Variants in DGKG observed in about 807,000 individuals in gnomAD.
DGKG encodes DAG kinase gamma.
Under a neutral mutation model 105.3 loss-of-function variants are expected in DGKG, and 78 were observed. The ratio of observed to expected loss-of-function variants is 0.74; its 90% CI spans 0.62 to 0.89. The LOEUF is 0.89. Ranked by LOEUF, DGKG falls within the 40% of genes least tolerant of loss-of-function variation. The pLI is 0.00. For synonymous variants in DGKG, 346 were observed against 367.1 expected (o/e 0.94, Z 0.66); for missense variants, 958 against 1,020.1 (o/e 0.94, Z 0.83).
intron 11 of DGKG, 63 bp downstream of exon 11, chr3:186,272,192 A>T: frequency 7.6e-7 from 1 of 1,310,920 alleles, no homozygotes; most frequent in African/African-American, 1.5e-5. Flanking sequence ...CCAGGAATCC[A>T]TGTTGATGGA....
intron 13 of DGKG, among the ~76,000 whole-genome samples, chr3:186,267,399 AC>A (rs963737275): frequency 6.6e-6 from 1 of 152,168 alleles, no homozygotes; most frequent in African/African-American, 2.4e-5. Flanking sequence ...GAAAGCACAA[AC>A]CCAACAGAGA....
Position 186,188,343 on chromosome 3 carries a change from G to T in DGKG, c.1954C>A (p.Leu652Met), listed in dbSNP as rs747611243. Reference protein sequence around the residue: ...GVGVDLSNIFLEGIAILNIPS... With the variant: ...GVGVDLSNIFMEGIAILNIPS... ...ATGTTGAGAATGGCAATGCCTTCCA[G>T]GAAGATGTTGCTCAGGTCCACCCCA... is the stretch of plus-strand genomic sequence containing the variant. The change falls in exon 22 of 25, where the codon CTG becomes ATG. Residue 652 changes from leucine (L) to methionine (M), a missense_variant. Transcript: ENST00000265022. 2 of 1,614,152 alleles carry T rather than the reference G, an allele frequency of 1.2e-6. No individual in the cohort carries two copies. Among genetic ancestry groups the T allele is most frequent in the Non-Finnish European group, 1.7e-6 (2 of 1,180,034 alleles).
At chr3:186,307,465 G>A (rs1229349108) in intron 2 of DGKG, among the ~76,000 whole-genome samples, 1 of 152,158 alleles carries the variant, frequency 6.6e-6, no homozygotes, top group Non-Finnish European at 1.5e-5. Flanking sequence ...CAGCTCAAAT[G>A]TCAACTCCTT....
chr3:186,275,400 C>T (rs370102067), intron 10 of DGKG, 147 bp downstream of exon 10: 10 of 685,236 alleles, frequency 1.5e-5, no homozygotes, highest in African/African-American at 1.1e-4. Flanking sequence ...ACATGAAGGC[C>T]TCGCTTTATT....
chr3:186,331,617 G>T (rs1466565431), intron 1 of DGKG, among the ~76,000 whole-genome samples: 1 of 152,114 alleles, frequency 6.6e-6, no homozygotes, highest in African/African-American at 2.4e-5. Flanking sequence ...TGCCCAGGTG[G>T]GGGAGCTGGG....
intron 5 of DGKG, among the ~76,000 whole-genome samples, chr3:186,289,369 G>T (rs555502288): frequency 1.3e-5 from 2 of 152,152 alleles, no homozygotes; most frequent in Non-Finnish European, 2.9e-5. Context: ...GATAATTAAC[G>T]AATCTCCAGA....
chr3:186,186,701 C>T (rs886672594), intron 22 of DGKG, among the ~76,000 whole-genome samples: 9 of 152,306 alleles, frequency 5.9e-5, no homozygotes, highest in African/African-American at 2.2e-4. Context: ...TTTCTGCCAG[C>T]GCTTTTACAC....
chr3:186,256,368 G>A (rs551399008), intron 17 of DGKG, among the ~76,000 whole-genome samples: 23 of 152,176 alleles, frequency 1.5e-4, no homozygotes, highest in African/African-American at 4.1e-4. Context: ...GACTTCCCTC[G>A]TCCTCTCATC....
chr3:186,211,909 T>A, intron 20 of DGKG, 24 bp from the exon 21 acceptor site: 3 of 1,573,408 alleles, frequency 1.9e-6, no homozygotes, highest in Non-Finnish European at 2.6e-6. Flanking sequence ...CAGAGAGATG[T>A]CTCAATATTC....
chr3:186,175,904 TAAC>T (rs1297801732), intron 22 of DGKG, among the ~76,000 whole-genome samples: 1 of 152,264 alleles, frequency 6.6e-6, no homozygotes, highest in South Asian at 2.1e-4. Flanking sequence ...TATCCCAACT[TAAC>T]AACAACAACA....
intron 19 of DGKG, among the ~76,000 whole-genome samples, chr3:186,248,230 T>C (rs1286379602): frequency 1.3e-5 from 2 of 152,160 alleles, no homozygotes; most frequent in Non-Finnish European, 1.5e-5. Flanking sequence ...AACCATGTTT[T>C]TGTCAGCCAG....
intron 1 of DGKG, among the ~76,000 whole-genome samples, chr3:186,328,029 C>T (rs6762338): frequency 0.014 from 2,115 of 152,314 alleles, 52 homozygotes; most frequent in African/African-American, 0.048. Flanking sequence ...CTTCTGTCTA[C>T]TCTTAGCACT....
intron 5 of DGKG, among the ~76,000 whole-genome samples, chr3:186,297,064 T>TCACACACA (rs1177958964): frequency 1.5e-3 from 117 of 78,548 alleles, no homozygotes; most frequent in African/African-American, 5.5e-3. Flanking sequence ...TCTGTCTGTC[T>TCACACACA]CTCTCACACA....
chr3:186,203,596 G>A lies in DGKG; in HGVS notation c.1917+8199C>T, dbSNP rs1452892684. Among the ~76,000 whole-genome samples the A allele has an allele frequency of 6.6e-6, 1 of 152,168 alleles. No individual in the cohort carries two copies. The highest frequency in any genetic ancestry group is 1.5e-5 in the Non-Finnish European group (1 of 68,020). ...AGAAGTGGCAGGAGCTGCCTTGGAT[G>A]GTCTCACAGTGAAGGTGATGCTGGA... On this transcript the variant is annotated intron_variant, in intron 21 of 24. Transcript: ENST00000265022. This position sits in a 1 kb window ranked among gnomAD's most constrained non-coding sequence, Gnocchi z 4.9.
intron 3 of DGKG, 72 bp downstream of exon 3, chr3:186,306,829 A>C (rs1381502261): frequency 6.4e-6 from 7 of 1,091,088 alleles, no homozygotes. Context: ...GGAGTCTCCA[A>C]GAGGGAAACA....
chr3:186,302,558 A>ACC (rs1491313983), intron 3 of DGKG, among the ~76,000 whole-genome samples: 1 of 30,368 alleles, frequency 3.3e-5, no homozygotes. Flanking sequence ...ATATATATAT[A>ACC]CACATATGTA....
At chr3:186,162,925 G>C (rs913422947) in intron 23 of DGKG, among the ~76,000 whole-genome samples, 2 of 152,120 alleles carry the variant, frequency 1.3e-5, no homozygotes, top group East Asian at 1.9e-4. Flanking sequence ...CTGGGAAAGG[G>C]GGTCATCTAG....
At chr3:186,357,514 T>C (rs1289392671) in intron 1 of DGKG, among the ~76,000 whole-genome samples, 1 of 152,210 alleles carries the variant, frequency 6.6e-6, no homozygotes, top group Non-Finnish European at 1.5e-5. Context: ...CATAGGCAAA[T>C]TACTGAAACT....
At chr3:186,154,861 G>A (rs1001754905) in intron 24 of DGKG, among the ~76,000 whole-genome samples, 1 of 152,104 alleles carries the variant, frequency 6.6e-6, no homozygotes, top group African/African-American at 2.4e-5. Flanking sequence ...CAGACTTACT[G>A]AACCAGAAAA....
Sources: gnomAD v4.1 joint callset for allele counts (sites outside exome capture counted in the v4.1 genomes callset) on GRCh38, gnomAD v4.1.1 for gene constraint, Gnocchi (gnomAD v3.1) non-coding constraint, MANE v1.5 for transcripts, NCBI Gene and HGNC (gene_info 2026-07-23, HGNC 2026-07-21) for gene names.